Variants in CABIN1 observed in about 807,000 individuals in gnomAD.
CABIN1 encodes calcineurin binding protein 1.
Under a neutral mutation model 227.7 loss-of-function variants are expected in CABIN1, and 133 were observed. That is an observed-to-expected ratio of 0.58 (90% CI 0.51 to 0.67). The LOEUF (loss-of-function observed/expected upper bound fraction) is 0.67, where lower values mean the gene tolerates loss of function less well. Ranked by LOEUF, CABIN1 falls within the 30% of genes least tolerant of loss-of-function variation. The probability of loss-of-function intolerance (pLI) is 0.00; values close to 1 mark genes in which losing one functional copy is unlikely to be tolerated. For synonymous variants in CABIN1, 1,086 were observed against 1,155.1 expected (o/e 0.94, Z 1.21); for missense variants, 2,408 against 2,852.5 (o/e 0.84, Z 3.55).
In CABIN1 at chr22:24,070,877, G is replaced by T. The variant is rs1220219769; in HGVS notation, c.2310G>T (p.Gln770His). The T allele has an allele frequency of 2.5e-6, 4 of 1,614,264 alleles. No homozygotes were observed. The highest frequency in any genetic ancestry group is 3.4e-6 in the Non-Finnish European group (4 of 1,180,044). ...TGGCTCTGAACGAGGCTGTCCAGCA[G>T]ATGGTGAACTCAGGTGAGGCTGCCG... is the stretch of plus-strand genomic sequence containing the variant. ...SDVALNEAVQ[Q>H]MVNSGEAAAK... The change falls in exon 17 of 37, where the codon CAG becomes CAT. Residue 770 changes from glutamine to histidine, a missense_variant. This residue lies in a region of CABIN1 where 1,045 missense variants were observed against 1,168.4 expected (regional missense o/e 0.89). Transcript: ENST00000263119.
rs545056563 is a variant in CABIN1, at chr22:24,136,457, A to G, written c.4746+2042A>G. ...AACCTCCGCCTCCTGGGTTCAAGCA[A>G]TTCTGCTTCAGCCTCACAAGTAGCT... On this transcript the variant is annotated intron_variant, in intron 29 of 36. Coordinates refer to ENST00000263119, the MANE Select transcript of CABIN1 (RefSeq NM_012295.4). Among the ~76,000 whole-genome samples the G allele has an allele frequency of 8.8e-5, 13 of 148,482 alleles. No homozygotes were observed. The East Asian group carries it at 2.4e-3, about 27-fold the overall frequency.
chr22:24,156,311 G>A (rs2045805395), intron 29 of CABIN1, among the ~76,000 whole-genome samples: 3 of 152,072 alleles, frequency 2.0e-5, no homozygotes, highest in Non-Finnish European at 4.4e-5. Context: ...TCGGCCGGCG[G>A]CGGGGTGCTG....
chr22:24,161,923 G>T (rs1195191425), intron 29 of CABIN1: 1 of 152,290 alleles, frequency 6.6e-6, no homozygotes, highest in Admixed American at 6.5e-5. Context: ...GAGCTTCATA[G>T]CCCTCCACAG....
rs201102326 is a variant in CABIN1, at chr22:24,165,656, C to T, written c.5007+30C>T. 1,538 of 1,578,818 alleles carry T rather than the reference C, an allele frequency of 9.7e-4. 26 individuals carry two copies. The South Asian group carries it at 0.016, about 16-fold the overall frequency. On this transcript the variant is annotated intron_variant, in intron 31 of 36. Transcript: ENST00000263119. ...GCCACCTGTGTCCTCCTCTCCTCCA[C>T]GGCCCATGAACACGCTTCCAAGCCC...
intron 29 of CABIN1, among the ~76,000 whole-genome samples, chr22:24,158,254 C>T (rs985173208): frequency 2.6e-5 from 4 of 152,326 alleles, no homozygotes; most frequent in African/African-American, 7.2e-5. Context: ...AACACTCACC[C>T]ACTGTGTCAG....
chr22:24,141,487 G>T lies in CABIN1; in HGVS notation c.4746+7072G>T, dbSNP rs535670228. On this transcript the variant is annotated intron_variant, in intron 29 of 36. Coordinates refer to ENST00000263119, the MANE Select transcript of CABIN1 (RefSeq NM_012295.4). ...CTGTGCCGGGGTCTCCAGGACAAAT[G>T]CCTGGAAGTTGGAGGCCAGGACACA... Among the ~76,000 whole-genome samples, 4 of 152,350 alleles carry T rather than the reference G, an allele frequency of 2.6e-5. No individual in the cohort carries two copies. In the East Asian group the frequency reaches 7.7e-4, roughly 29 times the overall value.
At position 24,165,714 on chromosome 22, in the gene CABIN1, C is replaced by T. The variant is rs538855420; in HGVS notation, c.5007+88C>T. 11 of 1,072,348 alleles carry T rather than the reference C, an allele frequency of 1.0e-5. No individual in the cohort carries two copies. The Admixed American group carries it at 1.4e-4, about 13-fold the overall frequency. 66.4% of individuals were successfully genotyped at this position (1,072,348 alleles called of 1,614,324 possible). On this transcript the variant is annotated intron_variant, in intron 31 of 36. Transcript: ENST00000263119. ...GTGGTGGGCCCGATCCCTCTATTTG[C>T]ATACCCTTAGGCAGGATGTGCCTAA...
intron 8 of CABIN1, among the ~76,000 whole-genome samples, chr22:24,054,098 G>A (rs537252695): frequency 1.4e-4 from 22 of 152,194 alleles, no homozygotes; most frequent in African/African-American, 4.1e-4. Flanking sequence ...AGGATTGCAG[G>A]GGGTGGTGTG....
chr22:24,094,123 C>T (rs1337911357), intron 24 of CABIN1, among the ~76,000 whole-genome samples: 1 of 152,196 alleles, frequency 6.6e-6, no homozygotes, highest in African/African-American at 2.4e-5. Context: ...GATGTGATGA[C>T]TTGCCTTAAG....
chr22:24,131,964 G>A lies in CABIN1; in HGVS notation c.4633-2338G>A, dbSNP rs762274. On this transcript the variant is annotated intron_variant, in intron 28 of 36. Coordinates refer to ENST00000263119, the MANE Select transcript of CABIN1 (RefSeq NM_012295.4). ...ACCTGTAGTCCCAGCTACTCAGGAG[G>A]CTGAAGCAGGAGAATCACTTGAATC... Among the ~76,000 whole-genome samples the A allele has an allele frequency of 6.3e-3, 955 of 152,010 alleles. 11 individuals are homozygous for A. The highest frequency in any genetic ancestry group is 0.022 in the African/African-American group (927 of 41,436).
chr22:24,051,809 C>T lies in CABIN1; in HGVS notation c.806+835C>T, dbSNP rs180779908. On this transcript the variant is annotated intron_variant, in intron 8 of 36. Transcript: ENST00000263119. ...TCTCATAGGGTTGTCATGATAATGA[C>T]AAAACATGTAGGGCTAGCACAGAGG... 7.9e-5 allele frequency among the ~76,000 whole-genome samples: 12 copies of T among 152,074 alleles called. No homozygotes were observed. The East Asian group carries it at 2.3e-3, about 29-fold the overall frequency.
At chr22:24,026,165 G>T (rs1231664572) in intron 1 of CABIN1, among the ~76,000 whole-genome samples, 2 of 152,104 alleles carry the variant, frequency 1.3e-5, no homozygotes, top group Non-Finnish European at 2.9e-5. Flanking sequence ...GTAGAAACGA[G>T]GTCTCACTCT....
chr22:24,120,537 G>C (rs577911544), intron 28 of CABIN1, among the ~76,000 whole-genome samples: 3 of 152,276 alleles, frequency 2.0e-5, no homozygotes, highest in East Asian at 3.9e-4. Context: ...AAAACATACA[G>C]ATGGCCAGGC....
intron 23 of CABIN1, among the ~76,000 whole-genome samples, chr22:24,089,351 TC>T (rs1184421636): frequency 2.6e-5 from 4 of 152,230 alleles, no homozygotes; most frequent in African/African-American, 9.7e-5. Context: ...CTTTGTTCTT[TC>T]CTCTACTTAG....
intron 33 of CABIN1, among the ~76,000 whole-genome samples, chr22:24,169,389 C>G (rs1028923737): frequency 2.0e-5 from 3 of 152,136 alleles, no homozygotes; most frequent in East Asian, 3.9e-4. Flanking sequence ...CCTTTGGGGT[C>G]CAGACGGGCT....
chr22:24,067,251 G>C (rs1448413505), intron 16 of CABIN1, 70 bp downstream of exon 16: 4 of 1,501,996 alleles, frequency 2.7e-6, no homozygotes, highest in African/African-American at 1.4e-5. Flanking sequence ...TTATTCTCTG[G>C]AGGTTCTGCG....
rs527569698 is a variant in CABIN1 at position 24,104,194 on chromosome 22, C to T, written c.4117+6002C>T. Among the ~76,000 whole-genome samples, 15 of 152,236 alleles carry T rather than the reference C, an allele frequency of 9.9e-5. No homozygotes were observed. In the South Asian group the frequency reaches 2.5e-3, roughly 25 times the overall value. On this transcript the variant is annotated intron_variant, in intron 26 of 36. Coordinates refer to ENST00000263119, the MANE Select transcript of CABIN1 (RefSeq NM_012295.4). ...TGGGCTCTAAGGAAGGCACAATTTT[C>T]CCCCCATCATCCTTTGAAGAGCCTT...
chr22:24,101,172 C>T (rs1440385276), intron 26 of CABIN1, among the ~76,000 whole-genome samples: 3 of 152,202 alleles, frequency 2.0e-5, no homozygotes, highest in Non-Finnish European at 2.9e-5. Flanking sequence ...CAGGACTTTC[C>T]TTGGGCATGG....
Position 24,177,415 on chromosome 22 carries a change from G to C in CABIN1, c.6206-89G>C. 1 of 1,172,042 alleles carries C rather than the reference G, an allele frequency of 8.5e-7. No homozygotes were observed. Among genetic ancestry groups the C allele is most frequent in the Non-Finnish European group, 1.2e-6 (1 of 836,096 alleles). The allele number at this position is 1,172,042 out of a possible 1,614,324, so 72.6% of individuals were successfully genotyped here. Reference sequence around the variant, plus strand: ...ACAAACTACACAGCATAAAGGCCCAGGACCTGGGGGGAGCGGGTGGGGGCG... The same window carrying C: ...ACAAACTACACAGCATAAAGGCCCACGACCTGGGGGGAGCGGGTGGGGGCG... On this transcript the variant is annotated intron_variant, in intron 35 of 36. Transcript: ENST00000263119. This position sits in a 1 kb window ranked among gnomAD's most constrained non-coding sequence, Gnocchi z 4.4.
Sources: allele counts gnomAD v4.1 joint callset (sites outside exome capture counted in the v4.1 genomes callset), GRCh38; gene constraint gnomAD v4.1.1; regional missense constraint gnomAD v4.1.1; non-coding constraint Gnocchi (gnomAD v3.1); transcripts MANE v1.5; gene names NCBI Gene and HGNC (gene_info 2026-07-23, HGNC 2026-07-21).